Variants in MCMBP observed in about 807,000 individuals in gnomAD.
The protein encoded by MCMBP is mini-chromosome maintenance complex-binding protein.
MCMBP carries 31 observed loss-of-function variants against 81.3 expected under a neutral mutation model. That is an observed-to-expected ratio of 0.38 (90% CI 0.29 to 0.51). The LOEUF is 0.51. Among genes scored for constraint, MCMBP ranks in the 20% least tolerant of loss-of-function variants. The pLI is 0.87. For missense variants in MCMBP, 645 were observed against 772.1 expected (o/e 0.84, Z 1.95); for synonymous variants, 267 against 275.9 (o/e 0.97, Z 0.32).
chr10:119,842,720 CGTCA>C (rs2134354639), intron 9 of MCMBP, 125 bp from the exon 10 acceptor site: 4 of 1,001,898 alleles, frequency 4.0e-6, no homozygotes, highest in East Asian at 2.7e-5. Flanking sequence ...TTAACATATC[CGTCA>C]GTAAGTGATG....
At chr10:119,845,974 C>A (rs1852602132) in intron 8 of MCMBP, among the ~76,000 whole-genome samples, 1 of 152,244 alleles carries the variant, frequency 6.6e-6, no homozygotes, top group Middle Eastern at 3.4e-3. Flanking sequence ...TAGAAATACA[C>A]AAAACATGCA....
chr10:119,872,292 C>A, intron 1 of MCMBP, among the ~76,000 whole-genome samples: 1 of 152,124 alleles, frequency 6.6e-6, no homozygotes, highest in Middle Eastern at 3.4e-3. Context: ...ACCTTGGCGG[C>A]TCCCAAGCTG....
At chr10:119,838,896 G>A (rs1852340923) in intron 11 of MCMBP, among the ~76,000 whole-genome samples, 196 bp from the exon 12 acceptor site, 1 of 152,104 alleles carries the variant, frequency 6.6e-6, no homozygotes, top group Non-Finnish European at 1.5e-5. Flanking sequence ...TCCATTTTAT[G>A]AGCTACTTTA....
intron 7 of MCMBP, 134 bp downstream of exon 7, chr10:119,849,291 C>CTTTA: frequency 1.1e-6 from 1 of 903,078 alleles, no homozygotes; most frequent in Non-Finnish European, 1.6e-6. Flanking sequence ...ACTTTTGCTG[C>CTTTA]TTTAGGCTAT....
rs551584098 is a variant in MCMBP at position 119,871,128 on chromosome 10, A to G, written c.58+1399T>C. ...ACTGAAATTTAACCCTTTAAGCACCAAACCTTTTTACTTTGGAGGGATTTT... is the reference window on the plus strand; with the variant it reads ...ACTGAAATTTAACCCTTTAAGCACCGAACCTTTTTACTTTGGAGGGATTTT... On this transcript the variant is annotated intron_variant, in intron 1 of 15. Coordinates refer to ENST00000369077, the MANE Select transcript of MCMBP (RefSeq NM_001256378.2). Among the ~76,000 whole-genome samples, 3 of 152,314 alleles carry G rather than the reference A, an allele frequency of 2.0e-5. No individual in the cohort carries two copies. The South Asian group carries it at 6.2e-4, about 32-fold the overall frequency.
Position 119,831,314 on chromosome 10 carries a change from G to A in MCMBP, c.*160C>T, listed in dbSNP as rs976292372. On this transcript the variant is annotated 3_prime_UTR_variant, in exon 16 of 16. Coordinates refer to ENST00000369077, the MANE Select transcript of MCMBP (RefSeq NM_001256378.2). Reference sequence around the variant, plus strand: ...AATCAGTAAGGTAAAAGTCCTTACTGAATATCATATAAACATCAGGTGTTA... The same window carrying A: ...AATCAGTAAGGTAAAAGTCCTTACTAAATATCATATAAACATCAGGTGTTA... The A allele has an allele frequency of 2.5e-5, 17 of 668,680 alleles. No individual in the cohort carries two copies. In the African/African-American group the frequency reaches 3.0e-4, roughly 12 times the overall value. 41.4% of individuals were successfully genotyped at this position (668,680 alleles called of 1,614,324 possible). A position where few individuals can be genotyped will look rare whatever the true frequency, so the allele number is the denominator to read the frequency against.
At chr10:119,856,343 T>C (rs1853040808) in intron 5 of MCMBP, among the ~76,000 whole-genome samples, 1 of 152,216 alleles carries the variant, frequency 6.6e-6, no homozygotes, top group African/African-American at 2.4e-5. Flanking sequence ...AATTGGAGAC[T>C]GTATAAACAA....
intron 1 of MCMBP, among the ~76,000 whole-genome samples, chr10:119,870,174 T>C (rs1000596381): frequency 6.6e-6 from 1 of 152,196 alleles, no homozygotes; most frequent in Non-Finnish European, 1.5e-5. Flanking sequence ...GGCTGCTGGA[T>C]GCAGTGGCTC....
intron 12 of MCMBP, among the ~76,000 whole-genome samples, chr10:119,838,280 GATAT>G (rs1392850961): frequency 6.8e-6 from 1 of 147,474 alleles, no homozygotes; most frequent in Admixed American, 6.8e-5. Flanking sequence ...TATTATATAT[GATAT>G]ATATTATATA....
intron 1 of MCMBP, among the ~76,000 whole-genome samples, chr10:119,869,729 CTCAAAAACAAAAAAA>C (rs1300259492): frequency 6.6e-6 from 1 of 151,962 alleles, no homozygotes; most frequent in African/African-American, 2.4e-5. Flanking sequence ...GAAACTCCAT[CTCAAAAACAAAAAAA>C]GCAAAAACAA....
At chr10:119,850,275 A>T (rs1183366163) in intron 6 of MCMBP, among the ~76,000 whole-genome samples, 1 of 152,230 alleles carries the variant, frequency 6.6e-6, no homozygotes, top group East Asian at 1.9e-4. Context: ...TCTTAAAATG[A>T]CAAAATTATA....
rs1446464145 is a variant in MCMBP, at chr10:119,832,015, G to A, written c.1793C>T (p.Ala598Val). ...ATAATGGACGTGCGCCACTTACCGA[G>A]CCACCACGAGCAGCTGGTGAAGATC... ...ADDLHQLLVV[A>V]RCLSLSAGQT... The change falls in exon 15 of 16, where the codon GCT becomes GTT. Residue 598 changes from alanine to valine, a missense_variant. Ala to Val is a moderately conservative substitution (Grantham distance 64). Coordinates refer to ENST00000369077, the MANE Select transcript of MCMBP (RefSeq NM_001256378.2). 4 of 1,609,442 alleles carry A rather than the reference G, an allele frequency of 2.5e-6. No homozygotes were observed. Among genetic ancestry groups the A allele is most frequent in the South Asian group, 1.1e-5 (1 of 90,288 alleles).
intron 7 of MCMBP, among the ~76,000 whole-genome samples, chr10:119,848,776 TCTTC>T (rs767705635): frequency 1.3e-5 from 2 of 152,244 alleles, no homozygotes; most frequent in Non-Finnish European, 2.9e-5. Flanking sequence ...TTAAAAGTTT[TCTTC>T]CTTCTGTTTT....
chr10:119,858,756 G>A, intron 4 of MCMBP, 128 bp downstream of exon 4: 4 of 756,092 alleles, frequency 5.3e-6, no homozygotes, highest in Non-Finnish European at 8.4e-6. Context: ...AACCAAATAA[G>A]GAAAACATTT....
At position 119,859,066 on chromosome 10, in the gene MCMBP, G is replaced by A. The variant is rs752933754; in HGVS notation, c.260C>T (p.Thr87Met). 6.8e-6 allele frequency: 11 copies of A among 1,613,474 alleles called. No homozygotes were observed. Among genetic ancestry groups the A allele is most frequent in the African/African-American group, 6.7e-5 (5 of 74,854 alleles). Reference protein sequence around the residue: ...DPEFYMGVYETVNQNTKAHVL... With the variant: ...DPEFYMGVYEMVNQNTKAHVL... ...ATGTGCTTTTGTGTTTTGGTTAACC[G>A]TTTCATAAACTCCCATGTAAAACTC... is the stretch of plus-strand genomic sequence containing the variant. Residue 87 changes from threonine to methionine, a missense_variant, in exon 3 of 16, where the codon ACG becomes ATG. Transcript: ENST00000369077.
rs368506572 is a variant in MCMBP at position 119,872,567 on chromosome 10, A to G, written c.18T>C (p.Asp6=). 8.5e-7 allele frequency: 1 copy of G among 1,179,046 alleles called. No homozygotes were observed. Among genetic ancestry groups the G allele is most frequent in the African/African-American group, 1.6e-5 (1 of 61,298 alleles). 73.0% of individuals were successfully genotyped at this position (1,179,046 alleles called of 1,614,324 possible). ...CGATTCCCAGCGGGTGGCTGAGCCA[A>G]TCCTCCCCACACGGCATCTCGCCAG... is the stretch of plus-strand genomic sequence containing the variant. MPCGE[D]WLSHPLGIVQ... Residue 6 remains aspartate, a synonymous_variant, in exon 1 of 16, where the codon GAT becomes GAC. Transcript: ENST00000369077.
At chr10:119,867,327 T>G (rs1277222721) in intron 1 of MCMBP, among the ~76,000 whole-genome samples, 1 of 144,892 alleles carries the variant, frequency 6.9e-6, no homozygotes, top group East Asian at 2.1e-4. Flanking sequence ...AAAAAGTGGT[T>G]ACTTCAATGG....
intron 1 of MCMBP, 142 bp from the exon 2 acceptor site, chr10:119,860,026 G>A (rs1853196426): frequency 1.6e-6 from 1 of 614,862 alleles, no homozygotes; most frequent in African/African-American, 1.9e-5. Flanking sequence ...TTTAGATAGG[G>A]TGTATTTTAT....
intron 10 of MCMBP, among the ~76,000 whole-genome samples, chr10:119,841,250 G>A (rs1166992389): frequency 2.6e-5 from 4 of 152,304 alleles, no homozygotes; most frequent in Non-Finnish European, 5.9e-5. Context: ...AGAAATCCGA[G>A]GCACAGAGAT....
Sources: allele counts gnomAD v4.1 joint callset (sites outside exome capture counted in the v4.1 genomes callset), GRCh38; gene constraint gnomAD v4.1.1; transcripts MANE v1.5; gene names NCBI Gene and HGNC (gene_info 2026-07-23, HGNC 2026-07-21).